ATF7IP2: variants seen among roughly 807,000 people sequenced by gnomAD.
ATF7IP2 encodes the protein activating transcription factor 7-interacting protein 2.
Under a neutral mutation model 64.2 loss-of-function variants are expected in ATF7IP2, and 42 were observed. The ratio of observed to expected loss-of-function variants is 0.65; its 90% confidence interval spans 0.51 to 0.85. The LOEUF is 0.85. Among genes scored for constraint, ATF7IP2 ranks in the 40% least tolerant of loss-of-function variants. The pLI, the probability that ATF7IP2 is intolerant of heterozygous loss-of-function variation, is 0.00. For missense variants in ATF7IP2, 933 were observed against 784.2 expected, an observed-to-expected ratio of 1.19 and a Z score of -2.27; for synonymous variants, 308 against 272.8, an observed-to-expected ratio of 1.13 and a Z score of -1.27.
At chr16:10,394,039 A>G (rs781194873) in intron 1 of ATF7IP2, among the ~76,000 whole-genome samples, 6 of 152,138 alleles carry the variant, frequency 3.9e-5, no homozygotes, top group Non-Finnish European at 7.3e-5. Flanking sequence ...TAAACAAACA[A>G]AAACAACCAA....
intron 12 of ATF7IP2, among the ~76,000 whole-genome samples, chr16:10,476,853 T>G (rs1314264864): frequency 6.6e-6 from 1 of 152,238 alleles, no homozygotes; most frequent in Non-Finnish European, 1.5e-5. Context: ...TTTTTATGGC[T>G]GCATAGTATT....
chr16:10,453,767 G>A (rs902783937), intron 8 of ATF7IP2, among the ~76,000 whole-genome samples: 10 of 151,982 alleles, frequency 6.6e-5, no homozygotes, highest in African/African-American at 9.7e-5. Flanking sequence ...ACAGTCATGC[G>A]CCACCACACC....
chr16:10,469,034 C>T (rs1460137891), intron 9 of ATF7IP2, among the ~76,000 whole-genome samples: 3 of 152,134 alleles, frequency 2.0e-5, no homozygotes, highest in Non-Finnish European at 4.4e-5. Flanking sequence ...AGAACAAAGT[C>T]TAACACTCTT....
At chr16:10,411,081 G>T (rs1771069236) in intron 1 of ATF7IP2, among the ~76,000 whole-genome samples, 1 of 152,136 alleles carries the variant, frequency 6.6e-6, no homozygotes, top group Non-Finnish European at 1.5e-5. Flanking sequence ...ATCATGGTGG[G>T]TTATCTTTTT....
intron 9 of ATF7IP2, chr16:10,457,739 C>T (rs1018543860): frequency 5.4e-6 from 2 of 368,736 alleles, no homozygotes; most frequent in African/African-American, 2.1e-5. Flanking sequence ...TAGGGTCTCA[C>T]TTTGTTGTCC....
chr16:10,401,800 C>G (rs1011106201), intron 1 of ATF7IP2, among the ~76,000 whole-genome samples: 1 of 145,660 alleles, frequency 6.9e-6, no homozygotes, highest in Admixed American at 6.9e-5. Flanking sequence ...AATTATTCAT[C>G]TATTCAGGAT....
At chr16:10,411,973 TCAAAGACCCAGC>T (rs1555505707) in intron 1 of ATF7IP2, among the ~76,000 whole-genome samples, 1 of 149,424 alleles carries the variant, frequency 6.7e-6, no homozygotes, top group South Asian at 2.1e-4. Flanking sequence ...ATTAACCTTT[TCAAAGACCCAGC>T]TTTTTGTTTC....
chr16:10,444,168 G>T (rs879312232), intron 8 of ATF7IP2, among the ~76,000 whole-genome samples: 2 of 152,156 alleles, frequency 1.3e-5, no homozygotes, highest in Admixed American at 6.5e-5. Context: ...CGATGATCAG[G>T]TTACATTGAT....
At chr16:10,473,339 G>C in intron 10 of ATF7IP2, 140 bp from the exon 11 acceptor site, 1 of 564,834 alleles carries the variant, frequency 1.8e-6, no homozygotes, top group Non-Finnish European at 3.2e-6. Flanking sequence ...CTTTGGAATA[G>C]GTAAAGTCAA....
intron 1 of ATF7IP2, among the ~76,000 whole-genome samples, chr16:10,398,394 G>A (rs2047461648): frequency 6.6e-6 from 1 of 152,076 alleles, no homozygotes; most frequent in African/African-American, 2.4e-5. Flanking sequence ...ACATGAATTA[G>A]TATAGCCATT....
intron 13 of ATF7IP2, 42 bp downstream of exon 13, chr16:10,481,006 TTGAG>T (rs1445269197): frequency 1.4e-6 from 2 of 1,420,736 alleles, no homozygotes; most frequent in African/African-American, 1.4e-5. Context: ...TTATTCCAAA[TTGAG>T]TGGGAAGTAG....
At chr16:10,440,560 G>A (rs2048581071) in intron 8 of ATF7IP2, 98 bp downstream of exon 8, 7 of 706,294 alleles carry the variant, frequency 9.9e-6, no homozygotes, top group South Asian at 4.0e-5. Context: ...GACAGAAGGT[G>A]TAAAGGTAAG....
At chr16:10,433,382 C>T (rs2048319936) in intron 5 of ATF7IP2, 143 bp from the exon 6 acceptor site, 1 of 633,528 alleles carries the variant, frequency 1.6e-6, no homozygotes, top group East Asian at 3.1e-5. Context: ...ACTATGTTGC[C>T]CAGGCTGGTC....
intron 9 of ATF7IP2, among the ~76,000 whole-genome samples, chr16:10,462,062 C>T (rs932798505): frequency 1.3e-5 from 2 of 151,830 alleles, no homozygotes; most frequent in African/African-American, 4.8e-5. Flanking sequence ...TTAATTTTAC[C>T]GTTTTCATTA....
rs2050268880 is a variant in ATF7IP2, at chr16:10,482,339, G to A, written c.*90G>A. 1.0e-6 allele frequency: 1 copy of A among 1,003,224 alleles called. No homozygotes were observed. The highest frequency in any genetic ancestry group is 1.6e-5 in the African/African-American group (1 of 61,256). The allele number at this position is 1,003,224 out of a possible 1,614,324, so 62.1% of individuals were successfully genotyped here. ...TACTATTTGCCATTGTAAAAGGCCA[G>A]CTCAGATTGTGAGCCCTTTCTATTG... On this transcript the variant is annotated 3_prime_UTR_variant, in exon 14 of 14. Coordinates refer to ENST00000562102, the MANE Select transcript of ATF7IP2 (RefSeq NM_001393719.1).
At chr16:10,406,953 A>C (rs558104973) in intron 1 of ATF7IP2, among the ~76,000 whole-genome samples, 8 of 152,330 alleles carry the variant, frequency 5.3e-5, no homozygotes, top group African/African-American at 1.9e-4. Context: ...ATAAAAATAA[A>C]TAAAATTACA....
chr16:10,473,945 C>G lies in ATF7IP2; in HGVS notation c.1505C>G (p.Ser502Cys), dbSNP rs141649358. 338 of 1,452,106 alleles carry G rather than the reference C, an allele frequency of 2.3e-4. No homozygotes were observed. The highest frequency in any genetic ancestry group is 4.5e-4 in the Admixed American group (25 of 54,978). The allele number at this position is 1,452,106 out of a possible 1,614,324, so 90.0% of individuals were successfully genotyped here. A position where few individuals can be genotyped will look rare whatever the true frequency, so the allele number is the denominator to read the frequency against. ...TAGGCTGTACAGAAGAAACTTGATTCTATAATTGATTTGACAAAAGAAGGC... is the reference window on the plus strand; with the variant it reads ...TAGGCTGTACAGAAGAAACTTGATTGTATAATTGATTTGACAAAAGAAGGC... ...EVMAVQKKLD[S>C]IIDLTKEGLS... is the part of the protein sequence containing the mutation. Residue 502 changes from serine (S) to cysteine (C), a missense_variant, in exon 12 of 14, where the codon TCT becomes TGT. Transcript: ENST00000562102.
chr16:10,469,627 T>G (rs2049713921), intron 9 of ATF7IP2, among the ~76,000 whole-genome samples: 1 of 151,964 alleles, frequency 6.6e-6, no homozygotes, highest in Non-Finnish European at 1.5e-5. Context: ...AATATAAAAT[T>G]AGCCCAGCAT....
rs2050288098 is a variant in ATF7IP2 at position 10,482,890 on chromosome 16, T to C, written c.*641T>C. ...TTGCCACCATGCCCGGCTAATTTATTTTTAGTAGAGATGAGGTTTCACCTT... is the reference window on the plus strand; with the variant it reads ...TTGCCACCATGCCCGGCTAATTTATCTTTAGTAGAGATGAGGTTTCACCTT... On this transcript the variant is annotated 3_prime_UTR_variant, in exon 14 of 14. Transcript: ENST00000562102. The C allele has an allele frequency of 6.6e-6, 1 of 152,188 alleles. No individual in the cohort carries two copies. The highest frequency in any genetic ancestry group is 2.1e-4 in the South Asian group (1 of 4,824). 9.4% of individuals were successfully genotyped at this position (152,188 alleles called of 1,614,324 possible).
Sources: allele counts gnomAD v4.1 joint callset (sites outside exome capture counted in the v4.1 genomes callset), GRCh38; gene constraint gnomAD v4.1.1; transcripts MANE v1.5; gene names NCBI Gene and HGNC (gene_info 2026-07-23, HGNC 2026-07-21).